The following SRP72 variants were observed in gnomAD, a reference collection of about 807,000 sequenced individuals.
SRP72 encodes the protein signal recognition particle subunit SRP72.
SRP72 carries 49 observed loss-of-function variants against 96.3 expected under a neutral mutation model. That is an observed-to-expected ratio of 0.51 (90% confidence interval 0.40 to 0.65). SRP72 has a LOEUF of 0.65. Among genes scored for constraint, SRP72 ranks in the 30% least tolerant of loss-of-function variants. The pLI is 0.00. For synonymous variants in SRP72, 267 were observed against 275.2 expected (o/e 0.97, Z 0.30); for missense variants, 736 against 793.3 (o/e 0.93, Z 0.87).
chr4:56,484,047 T>TTTTTG (rs1720610352), intron 9 of SRP72, among the ~76,000 whole-genome samples: 1 of 135,344 alleles, frequency 7.4e-6, no homozygotes, highest in Non-Finnish European at 1.6e-5. Context: ...TTTTTTTTTT[T>TTTTTG]TTTTGAGATG....
chr4:56,477,757 T>G (rs1720305294), intron 6 of SRP72, among the ~76,000 whole-genome samples: 1 of 152,152 alleles, frequency 6.6e-6, no homozygotes, highest in South Asian at 2.1e-4. Context: ...TAGTCTTGAG[T>G]ATTCATTGTA....
chr4:56,501,502 A>G (rs574476755), intron 18 of SRP72, among the ~76,000 whole-genome samples, 182 bp from the exon 19 acceptor site: 13 of 152,342 alleles, frequency 8.5e-5, no homozygotes, highest in African/African-American at 2.9e-4. Context: ...CTTTTCTTCA[A>G]TAAAAACAGT....
rs201095666 is a variant in SRP72, at chr4:56,486,373, A to G, written c.1135A>G (p.Met379Val). Residue 379 changes from methionine to valine, a missense_variant, in exon 11 of 19, where the codon ATG (methionine) becomes GTG (valine). By Grantham distance (21) the Met-to-Val change is conservative. Coordinates refer to ENST00000642900, the MANE Select transcript of SRP72 (RefSeq NM_006947.4). The stretch of plus-strand genomic sequence containing the variant: ...AAATGCAGCTGAAATTAAGCTGACC[A>G]TGGCACAGTTGAAAATTTCTCAAGG... ...PENAAEIKLT[M>V]AQLKISQGNI... The G allele has an allele frequency of 6.5e-5, 104 of 1,603,410 alleles. 1 individual carries two copies. The highest frequency in any genetic ancestry group is 5.7e-5 in the Non-Finnish European group (67 of 1,173,088).
At position 56,482,671 on chromosome 4, in the gene SRP72, A is replaced by C. The variant is rs180951691; in HGVS notation, c.826-468A>C. The stretch of plus-strand genomic sequence containing the variant: ...AGGAGTGAGTTACTTTTTATTTATC[A>C]TCTAAATTCTAGAGGGCATAGCTTG... On this transcript the variant is annotated intron_variant, in intron 8 of 18. Transcript: ENST00000642900. 7.2e-5 allele frequency among the ~76,000 whole-genome samples: 11 copies of C among 152,274 alleles called. No homozygotes were observed. In the East Asian group the frequency reaches 1.7e-3, roughly 24 times the overall value.
At position 56,495,282 on chromosome 4, in the gene SRP72, C is replaced by T. The variant is rs577232743; in HGVS notation, c.1641-75C>T. On this transcript the variant is annotated intron_variant, in intron 16 of 18. Transcript: ENST00000642900. ...GTTTATGATAAGTGCCCAACTAACT[C>T]TTATAGAGCACTTACTTAATGCTCT... 39 of 1,013,240 alleles carry T rather than the reference C, an allele frequency of 3.8e-5. No homozygotes were observed. The South Asian group carries it at 5.5e-4, about 14-fold the overall frequency. The allele number at this position is 1,013,240 out of a possible 1,614,324, so 62.8% of individuals were successfully genotyped here.
chr4:56,490,267 T>TTTC lies in SRP72; in HGVS notation c.1321-66_1321-65insTTC, dbSNP rs1227663611. ...GTGTATTTCTTAAAGGTCTAATGAA[T>TTTC]ATAACTGCATGCACTTGCTAGATAT... On this transcript the variant is annotated intron_variant, in intron 13 of 18. Coordinates refer to ENST00000642900, the MANE Select transcript of SRP72 (RefSeq NM_006947.4). 5,284 of 1,277,466 alleles carry TTTC rather than the reference T, an allele frequency of 4.1e-3. 10 individuals are homozygous for TTTC. Among genetic ancestry groups the TTTC allele is most frequent in the Non-Finnish European group, 5.3e-3 (4,763 of 896,478 alleles). 79.1% of individuals were successfully genotyped at this position (1,277,466 alleles called of 1,614,324 possible). A position where few individuals can be genotyped will look rare whatever the true frequency, so the allele number is the denominator to read the frequency against.
chr4:56,470,232 T>C (rs926713488), intron 2 of SRP72, among the ~76,000 whole-genome samples: 11 of 152,184 alleles, frequency 7.2e-5, no homozygotes, highest in Non-Finnish European at 2.9e-5. Context: ...ATATAAAAAT[T>C]TATATATGCA....
Position 56,484,672 on chromosome 4 carries a change from G to A in SRP72, c.958-64G>A, listed in dbSNP as rs916651603. On this transcript the variant is annotated intron_variant, in intron 9 of 18. Transcript: ENST00000642900. The stretch of plus-strand genomic sequence containing the variant: ...ATTTTCCCATGTTTCTTTTCTTTCT[G>A]GTCATTTAGTGTTTAATTTCATTAA... 1.4e-5 allele frequency: 22 copies of A among 1,592,166 alleles called. No individual in the cohort carries two copies. The South Asian group carries it at 2.2e-4, about 16-fold the overall frequency.
Position 56,486,319 on chromosome 4 carries a change from A to C in SRP72, c.1087-6A>C. On this transcript the variant is annotated splice_region_variant and splice_polypyrimidine_tract_variant and intron_variant, in intron 10 of 18. Coordinates refer to ENST00000642900, the MANE Select transcript of SRP72 (RefSeq NM_006947.4). ...GATTTTTTTCCCCCAAACTAAAAAA[A>C]TTTAGGAATTTTCAGATCAGCATCC... The C allele has an allele frequency of 6.3e-7, 1 of 1,599,418 alleles. No homozygotes were observed. Among genetic ancestry groups the C allele is most frequent in the Non-Finnish European group, 8.5e-7 (1 of 1,171,354 alleles).
intron 17 of SRP72, among the ~76,000 whole-genome samples, chr4:56,499,617 C>A (rs1484911927): frequency 2.6e-5 from 4 of 152,170 alleles, no homozygotes; most frequent in Non-Finnish European, 5.9e-5. Context: ...TGAAAAAAAG[C>A]TCATCATCAC....
chr4:56,498,262 A>G (rs960238773), intron 17 of SRP72, among the ~76,000 whole-genome samples: 1 of 152,100 alleles, frequency 6.6e-6, no homozygotes, highest in Non-Finnish European at 1.5e-5. Flanking sequence ...CTACGTATTG[A>G]TGGAATGTAT....
Position 56,497,338 on chromosome 4 carries a change from G to A in SRP72, c.1678+1944G>A, listed in dbSNP as rs548022621. Among the ~76,000 whole-genome samples, 5 of 151,292 alleles carry A rather than the reference G, an allele frequency of 3.3e-5. No individual in the cohort carries two copies. The South Asian group carries it at 1.0e-3, about 32-fold the overall frequency. On this transcript the variant is annotated intron_variant, in intron 17 of 18. Coordinates refer to ENST00000642900, the MANE Select transcript of SRP72 (RefSeq NM_006947.4). ...AGGTTCATGCCATTCTCCTGCCTCA[G>A]CCTCCCAAGTAGCTGGGACTGCAGG...
chr4:56,495,385 A>T lies in SRP72; in HGVS notation c.1669A>T (p.Lys557Ter). ...GQGDLKKKKK[K>*]KKGKLPKNYD... The stretch of plus-strand genomic sequence containing the variant: ...GGGAGATTTGAAAAAGAAGAAAAAG[A>T]AAAAGAAGGGTAAGGCATTAAAAAA... Residue 557 changes from lysine to a stop codon, truncating the protein, a stop_gained, in exon 17 of 19, where the codon AAA becomes TAA. Coordinates refer to ENST00000642900, the MANE Select transcript of SRP72 (RefSeq NM_006947.4). LOFTEE classifies it high-confidence loss of function. The T allele has an allele frequency of 6.7e-7, 1 of 1,496,836 alleles. No homozygotes were observed. Among genetic ancestry groups the T allele is most frequent in the South Asian group, 1.2e-5 (1 of 85,688 alleles). The allele number at this position is 1,496,836 out of a possible 1,614,324, so 92.7% of individuals were successfully genotyped here.
rs1212859408 is a variant in SRP72, at chr4:56,486,349, A to C, written c.1111A>C (p.Asn371His). Residue 371 changes from asparagine to histidine, a missense_variant, in exon 11 of 19, where the codon AAT becomes CAT. Asn to His is a moderately conservative substitution (Grantham distance 68). This residue lies in a region of SRP72 where 388 missense variants were observed against 431.8 expected (regional missense o/e 0.90). Coordinates refer to ENST00000642900, the MANE Select transcript of SRP72 (RefSeq NM_006947.4). Reference sequence around the variant, plus strand: ...GGAATTTTCAGATCAGCATCCAGAAAATGCAGCTGAAATTAAGCTGACCAT... The same window carrying C: ...GGAATTTTCAGATCAGCATCCAGAACATGCAGCTGAAATTAAGCTGACCAT... Reference protein sequence around the residue: ...LQEFSDQHPENAAEIKLTMAQ... With the variant: ...LQEFSDQHPEHAAEIKLTMAQ... 1 of 1,605,986 alleles carries C rather than the reference A, an allele frequency of 6.2e-7. No homozygotes were observed. Among genetic ancestry groups the C allele is most frequent in the East Asian group, 2.2e-5 (1 of 44,670 alleles).
At chr4:56,476,853 T>C in intron 6 of SRP72, 151 bp downstream of exon 6, 3 of 719,798 alleles carry the variant, frequency 4.2e-6, no homozygotes, top group Non-Finnish European at 6.7e-6. Context: ...GTATCAGTTA[T>C]TTGATGAAGT....
chr4:56,475,182 T>C (rs968543567), intron 5 of SRP72, among the ~76,000 whole-genome samples: 3 of 145,866 alleles, frequency 2.1e-5, no homozygotes, highest in Non-Finnish European at 4.5e-5. Context: ...TAAAATGAGA[T>C]CACAGTTTAC....
At chr4:56,481,768 C>CTT (rs71194110) in intron 8 of SRP72, among the ~76,000 whole-genome samples, 18 of 122,606 alleles carry the variant, frequency 1.5e-4, no homozygotes, top group African/African-American at 3.1e-4. Flanking sequence ...CTGTTGGCTC[C>CTT]TTTTTTTTTT....
chr4:56,481,441 C>T (rs1422512350), intron 8 of SRP72, among the ~76,000 whole-genome samples: 1 of 152,068 alleles, frequency 6.6e-6, no homozygotes, highest in African/African-American at 2.4e-5. Flanking sequence ...ATGTGACTTT[C>T]AATAATTCTT....
intron 8 of SRP72, among the ~76,000 whole-genome samples, chr4:56,480,625 T>G (rs1012012974): frequency 2.0e-5 from 3 of 152,216 alleles, no homozygotes; most frequent in African/African-American, 7.2e-5. Context: ...ATACTAAATA[T>G]CTCAGTCTGA....
Sources: gnomAD v4.1 joint callset for allele counts (sites outside exome capture counted in the v4.1 genomes callset) on GRCh38, gnomAD v4.1.1 for gene constraint, gnomAD v4.1.1 regional missense constraint, MANE v1.5 for transcripts, NCBI Gene and HGNC (gene_info 2026-07-23, HGNC 2026-07-21) for gene names.